RAB6B: variants seen among roughly 807,000 people sequenced by gnomAD.
RAB6B encodes the protein RAB6B, member RAS oncogene family.
A neutral mutation model predicts 31.2 loss-of-function variants in RAB6B; 7 were observed. That is an observed-to-expected ratio of 0.22 (90% CI 0.13 to 0.42). The LOEUF (loss-of-function observed/expected upper bound fraction) is 0.42. Ranked by LOEUF, RAB6B falls within the 10% of genes least tolerant of loss-of-function variation. RAB6B has a pLI of 1.00. For synonymous variants in RAB6B, 105 were observed against 104.9 expected (o/e 1.00, Z -0.01); for missense variants, 149 against 280.6 (o/e 0.53, Z 3.35).
At chr3:133,870,068 C>T (rs1391077515) in intron 1 of RAB6B, among the ~76,000 whole-genome samples, 1 of 152,176 alleles carries the variant, frequency 6.6e-6, no homozygotes, top group African/African-American at 2.4e-5. Flanking sequence ...TCTCACACTG[C>T]TATGAAGAAA....
At chr3:133,854,979 G>T (rs955853664) in intron 2 of RAB6B, among the ~76,000 whole-genome samples, 10 of 152,236 alleles carry the variant, frequency 6.6e-5, no homozygotes, top group African/African-American at 2.4e-4. Flanking sequence ...CTCAGGAAAA[G>T]AAATAATGAA....
intron 4 of RAB6B, among the ~76,000 whole-genome samples, chr3:133,840,771 T>G (rs1454543096): frequency 6.7e-6 from 1 of 149,324 alleles, no homozygotes; most frequent in Admixed American, 6.7e-5. Flanking sequence ...ACACCTGCCC[T>G]GGCCTGAAGA....
chr3:133,841,267 G>A lies in RAB6B; in HGVS notation c.289+18C>T, dbSNP rs775494134. On this transcript the variant is annotated intron_variant, in intron 4 of 7. Transcript: ENST00000285208. Reference sequence around the variant, plus strand: ...CCCCCTATGAGCCACCCTCCCTTAGGAGCAGAGCCTCACTCACTTGTGATG... The same window carrying A: ...CCCCCTATGAGCCACCCTCCCTTAGAAGCAGAGCCTCACTCACTTGTGATG... 7 of 1,613,698 alleles carry A rather than the reference G, an allele frequency of 4.3e-6. No individual in the cohort carries two copies. Among genetic ancestry groups the A allele is most frequent in the Non-Finnish European group, 5.9e-6 (7 of 1,179,686 alleles).
At chr3:133,865,191 C>T (rs945267811) in intron 1 of RAB6B, among the ~76,000 whole-genome samples, 7 of 152,206 alleles carry the variant, frequency 4.6e-5, no homozygotes, top group African/African-American at 1.7e-4. Flanking sequence ...TGTATCTGAC[C>T]GTCCAGCTCA....
At chr3:133,868,208 A>C (rs1223889355) in intron 1 of RAB6B, among the ~76,000 whole-genome samples, 1 of 152,154 alleles carries the variant, frequency 6.6e-6, no homozygotes, top group African/African-American at 2.4e-5. Flanking sequence ...ACCTGCCCTC[A>C]ACAACTGCCC....
intron 1 of RAB6B, among the ~76,000 whole-genome samples, chr3:133,890,706 T>C (rs1284538882): frequency 6.6e-6 from 1 of 152,074 alleles, no homozygotes; most frequent in African/African-American, 2.4e-5. Context: ...GCAAGGATAA[T>C]CTCATCATTT....
At chr3:133,893,113 A>G (rs568630755) in intron 1 of RAB6B, among the ~76,000 whole-genome samples, 37 of 152,236 alleles carry the variant, frequency 2.4e-4, no homozygotes, top group Non-Finnish European at 1.0e-4. Flanking sequence ...AGGGCTCACA[A>G]CCCTGCTCCT....
intron 1 of RAB6B, among the ~76,000 whole-genome samples, chr3:133,867,110 T>C (rs1936248787): frequency 6.6e-6 from 1 of 152,198 alleles, no homozygotes; most frequent in Non-Finnish European, 1.5e-5. Flanking sequence ...TGCCTCTCCA[T>C]GAGACACCAG....
At chr3:133,840,770 CT>C (rs1322846515) in intron 4 of RAB6B, among the ~76,000 whole-genome samples, 1 of 152,088 alleles carries the variant, frequency 6.6e-6, no homozygotes, top group Non-Finnish European at 1.5e-5. Context: ...AACACCTGCC[CT>C]GGCCTGAAGA....
chr3:133,863,423 C>T (rs1322120112), intron 2 of RAB6B, among the ~76,000 whole-genome samples: 1 of 152,218 alleles, frequency 6.6e-6, no homozygotes, highest in Non-Finnish European at 1.5e-5. Flanking sequence ...GCTCCACATA[C>T]TCTGTAAATC....
chr3:133,832,521 T>A (rs1344752949), intron 7 of RAB6B, among the ~76,000 whole-genome samples: 2 of 152,324 alleles, frequency 1.3e-5, no homozygotes, highest in East Asian at 3.9e-4. Flanking sequence ...CTGCTCTCAA[T>A]GTGGAACACA....
intron 2 of RAB6B, among the ~76,000 whole-genome samples, chr3:133,849,925 A>G (rs906208157): frequency 2.0e-5 from 3 of 152,222 alleles, no homozygotes; most frequent in Non-Finnish European, 4.4e-5. Context: ...GCTCTTTGAC[A>G]TCATCTATTT....
intron 1 of RAB6B, chr3:133,885,392 A>G: frequency 1.4e-6 from 1 of 695,680 alleles, no homozygotes; most frequent in Non-Finnish European, 2.6e-6. Context: ...CAATGGCCAG[A>G]GGATGGGCTG....
chr3:133,889,391 TATATA>T (rs1936599284), intron 1 of RAB6B, among the ~76,000 whole-genome samples: 992 of 33,930 alleles, frequency 0.029, 71 homozygotes, highest in Non-Finnish European at 0.043. Context: ...TATTTTGTTA[TATATA>T]TATATATATA....
rs75559212 is a variant in RAB6B at position 133,834,878 on chromosome 3, G to A, written c.496-237C>T. 7.1e-3 allele frequency among the ~76,000 whole-genome samples: 1,084 copies of A among 152,322 alleles called. 7 individuals carry two copies. Among genetic ancestry groups the A allele is most frequent in the Non-Finnish European group, 0.011 (746 of 68,028 alleles). ...TGTGGAAGGAAGGAACAAAGCTGTG[G>A]CCTCTCACCCAAGCAGACTGGCCAT... On this transcript the variant is annotated intron_variant, in intron 6 of 7. Coordinates refer to ENST00000285208, the MANE Select transcript of RAB6B (RefSeq NM_016577.4).
intron 1 of RAB6B, among the ~76,000 whole-genome samples, chr3:133,884,785 C>A (rs768182190): frequency 8.6e-5 from 13 of 151,564 alleles, no homozygotes; most frequent in African/African-American, 1.2e-4. Context: ...GACAGGGGGC[C>A]CCACATATCC....
At chr3:133,837,135 CCCT>C (rs1259460947) in intron 6 of RAB6B, among the ~76,000 whole-genome samples, 2 of 152,036 alleles carry the variant, frequency 1.3e-5, no homozygotes, top group Non-Finnish European at 2.9e-5. Context: ...GGCATGCCCT[CCCT>C]CCTCACCACC....
At chr3:133,890,963 G>A (rs1936629813) in intron 1 of RAB6B, among the ~76,000 whole-genome samples, 1 of 152,230 alleles carries the variant, frequency 6.6e-6, no homozygotes, top group Non-Finnish European at 1.5e-5. Flanking sequence ...TGGCCAGGTG[G>A]GCTGGTAGCC....
chr3:133,827,746 A>ACCCCACC lies in RAB6B; in HGVS notation c.*1041_*1042insGGTGGGG. The ACCCCACC allele has an allele frequency of 1.4e-5, 1 of 72,114 alleles. No individual in the cohort carries two copies. Among genetic ancestry groups the ACCCCACC allele is most frequent in the Non-Finnish European group, 2.7e-5 (1 of 36,596 alleles). 4.5% of individuals were successfully genotyped at this position (72,114 alleles called of 1,614,324 possible). ...TCAAGGTGGTGGTTCTGCAGACAAC[A>ACCCCACC]CCCCCCCCCCCCCCCGCCTCCCCAT... On this transcript the variant is annotated 3_prime_UTR_variant, in exon 8 of 8. Coordinates refer to ENST00000285208, the MANE Select transcript of RAB6B (RefSeq NM_016577.4).
Sources: gnomAD v4.1 joint callset for allele counts (sites outside exome capture counted in the v4.1 genomes callset) on GRCh38, gnomAD v4.1.1 for gene constraint, MANE v1.5 for transcripts, NCBI Gene and HGNC (gene_info 2026-07-23, HGNC 2026-07-21) for gene names.